The following BDH1 variants were observed in gnomAD, a reference collection of about 807,000 sequenced individuals.
The protein encoded by BDH1 is 3-hydroxybutyrate dehydrogenase 1.
In BDH1, 30 loss-of-function variants were observed where a neutral mutation model predicts 33.1. The ratio of observed to expected loss-of-function variants is 0.91; its 90% CI spans 0.68 to 1.23. The LOEUF is 1.23. Ranked by LOEUF, BDH1 falls within the 50% of genes most tolerant of loss-of-function variation. BDH1 has a pLI of 0.00. For missense variants in BDH1, 443 were observed against 464.4 expected (o/e 0.95, Z 0.42); for synonymous variants, 190 against 183.6 (o/e 1.03, Z -0.28).
intron 2 of BDH1, among the ~76,000 whole-genome samples, chr3:197,550,788 G>A (rs748896900): frequency 7.0e-4 from 107 of 152,236 alleles, no homozygotes; most frequent in Non-Finnish European, 1.4e-3. Context: ...AGCAGCAGCC[G>A]CCTCCCATCT....
rs780271933 is a variant in BDH1 at position 197,532,402 on chromosome 3, C to T, written c.267+10G>A. On this transcript the variant is annotated intron_variant, in intron 5 of 7. Coordinates refer to ENST00000392379, the MANE Select transcript of BDH1 (RefSeq NM_203314.3). ...AAAGACAATGGTGAAGAAGATAACTCGTCTCTTACCTTCATCAAGCAGCCA... is the reference window on the plus strand; with the variant it reads ...AAAGACAATGGTGAAGAAGATAACTTGTCTCTTACCTTCATCAAGCAGCCA... The T allele has an allele frequency of 5.6e-6, 9 of 1,604,828 alleles. No individual in the cohort carries two copies. Among genetic ancestry groups the T allele is most frequent in the South Asian group, 5.5e-5 (5 of 90,904 alleles).
chr3:197,514,372 C>T lies in BDH1; in HGVS notation c.454G>A (p.Glu152Lys). Residue 152 changes from glutamate (E) to lysine (K), a missense_variant, in exon 7 of 8, where the codon GAG becomes AAG. Coordinates refer to ENST00000392379, the MANE Select transcript of BDH1 (RefSeq NM_203314.3). This position sits in a 1 kb window ranked among gnomAD's most constrained non-coding sequence, Gnocchi z 4.2. ...VNNAGISTFG[E>K]VEFTSLETYK... ...GTCTCCAGGCTGGTGAACTCCACCT[C>T]CCCGAACGTTGAGATGCCGGCATTG... 2.5e-6 allele frequency: 4 copies of T among 1,613,010 alleles called. No individual in the cohort carries two copies. Among genetic ancestry groups the T allele is most frequent in the Non-Finnish European group, 3.4e-6 (4 of 1,179,494 alleles).
rs1174631775 is a variant in BDH1 at position 197,510,699 on chromosome 3, G to C, written c.*1196C>G. ...ATGTGTGTAAGGTGTGTGTGTGTGTGTGTGTGTGTGTGTGTGTGTACATGT... is the reference window on the plus strand; with the variant it reads ...ATGTGTGTAAGGTGTGTGTGTGTGTCTGTGTGTGTGTGTGTGTGTACATGT... On this transcript the variant is annotated 3_prime_UTR_variant, in exon 8 of 8. Coordinates refer to ENST00000392379, the MANE Select transcript of BDH1 (RefSeq NM_203314.3). The C allele has an allele frequency of 8.7e-6, 1 of 114,374 alleles. No individual in the cohort carries two copies. The highest frequency in any genetic ancestry group is 1.8e-5 in the Non-Finnish European group (1 of 55,928). 7.1% of individuals were successfully genotyped at this position (114,374 alleles called of 1,614,324 possible).
rs539539316 is a variant in BDH1 at position 197,514,218 on chromosome 3, C to T, written c.562+46G>A. On this transcript the variant is annotated intron_variant, in intron 7 of 7. Coordinates refer to ENST00000392379, the MANE Select transcript of BDH1 (RefSeq NM_203314.3). The surrounding 1 kb of genome is among the most constrained non-coding windows in gnomAD (Gnocchi z 4.2). ...TTTCCATTCTGAGCAAAGATGAACA[C>T]GTGGGGCAGGTTCAGGGGCAGGAGG... 23 of 1,577,826 alleles carry T rather than the reference C, an allele frequency of 1.5e-5. No homozygotes were observed. Among genetic ancestry groups the T allele is most frequent in the East Asian group, 4.6e-5 (2 of 43,880 alleles).
chr3:197,512,993 A>G (rs11923999), intron 7 of BDH1, among the ~76,000 whole-genome samples: 14,661 of 152,028 alleles, frequency 0.096, 941 homozygotes, highest in African/African-American at 0.18. Context: ...CAACTCCCCA[A>G]CTCCATTCCA....
chr3:197,547,101 A>AACAC (rs71164296), intron 2 of BDH1, among the ~76,000 whole-genome samples: 1,659 of 151,466 alleles, frequency 0.011, 11 homozygotes, highest in South Asian at 0.017. Context: ...TCTTGTAATT[A>AACAC]ACACACACAC....
chr3:197,564,291 G>A (rs1322917164), intron 1 of BDH1, among the ~76,000 whole-genome samples: 1 of 151,862 alleles, frequency 6.6e-6, no homozygotes, highest in Non-Finnish European at 1.5e-5. Flanking sequence ...TGAACAGTCT[G>A]TGTAAGTCAC....
upstream of BDH1, among the ~76,000 whole-genome samples, chr3:197,559,609 A>G (rs1207653962): frequency 6.6e-6 from 1 of 152,272 alleles, no homozygotes; most frequent in South Asian, 2.1e-4. Context: ...TGGTTAACCC[A>G]AAAGAGACAT....
In BDH1 at chr3:197,533,538, G is replaced by A. The variant is rs756349746; in HGVS notation, c.107C>T (p.Thr36Ile). The change falls in exon 4 of 8, where the codon ACT becomes ATT. Residue 36 changes from threonine to isoleucine, a missense_variant. Coordinates refer to ENST00000392379, the MANE Select transcript of BDH1 (RefSeq NM_203314.3). ...CCGACGGCCAATCGGGATAAAGGAA[G>A]TAGAACCAAGCAATAGTGGGCGTCT... ...GARRPLLLGS[T>I]SFIPIGRRTY... The A allele has an allele frequency of 1.9e-6, 3 of 1,614,152 alleles. No individual in the cohort carries two copies. Among genetic ancestry groups the A allele is most frequent in the Admixed American group, 1.7e-5 (1 of 60,016 alleles).
At chr3:197,547,005 C>T (rs936666999) in intron 2 of BDH1, among the ~76,000 whole-genome samples, 2 of 152,166 alleles carry the variant, frequency 1.3e-5, no homozygotes, top group African/African-American at 4.8e-5. Context: ...TTCCCCCATG[C>T]GAACAAACAA....
At position 197,549,879 on chromosome 3, in the gene BDH1, C is replaced by T. The variant is rs139219582; in HGVS notation, c.-43-3393G>A. ...TTGTACTTACTATGTTAAAACTATCCATATCATCTTTGTTAATTGCCTGGA... is the reference window on the plus strand; with the variant it reads ...TTGTACTTACTATGTTAAAACTATCTATATCATCTTTGTTAATTGCCTGGA... On this transcript the variant is annotated intron_variant, in intron 2 of 7. Transcript: ENST00000392379. 3.2e-3 allele frequency among the ~76,000 whole-genome samples: 481 copies of T among 152,084 alleles called. 3 individuals carry two copies. Among genetic ancestry groups the T allele is most frequent in the African/African-American group, 0.011 (457 of 41,408 alleles).
rs571596469 is a variant in BDH1 at position 197,543,171 on chromosome 3, A to C, written c.83+3190T>G. ...GCCATGAGTCCATTTGAATCTAACA[A>C]GACGGGGCTTAGGAGGAACACATAT... On this transcript the variant is annotated intron_variant, in intron 3 of 7. Transcript: ENST00000392379. 1.5e-5 allele frequency: 15 copies of C among 985,420 alleles called. 1 individual carries two copies. The East Asian group carries it at 1.0e-3, about 67-fold the overall frequency. The allele number at this position is 985,420 out of a possible 1,614,324, so 61.0% of individuals were successfully genotyped here. A position where few individuals can be genotyped will look rare whatever the true frequency, so the allele number is the denominator to read the frequency against.
At chr3:197,557,004 C>T (rs1033614993), upstream of BDH1, among the ~76,000 whole-genome samples, 1 of 152,230 alleles carries the variant, frequency 6.6e-6, no homozygotes, top group African/African-American at 2.4e-5. The surrounding 1 kb of genome is among the most constrained non-coding windows in gnomAD (Gnocchi z 4.6). Context: ...AAAATCACCC[C>T]CTGCTCACTG....
At chr3:197,547,267 T>C (rs1716164945) in intron 2 of BDH1, among the ~76,000 whole-genome samples, 1 of 152,244 alleles carries the variant, frequency 6.6e-6, no homozygotes, top group African/African-American at 2.4e-5. Flanking sequence ...GTTCTGTTAA[T>C]AGTGATTCCT....
At chr3:197,568,457 T>G (rs1717504833) in intron 1 of BDH1, among the ~76,000 whole-genome samples, 1 of 152,080 alleles carries the variant, frequency 6.6e-6, no homozygotes, top group Non-Finnish European at 1.5e-5. Flanking sequence ...GAAAAGAGCC[T>G]TTGACAGCTG....
At chr3:197,539,922 C>G (rs555569036) in intron 3 of BDH1, among the ~76,000 whole-genome samples, 21 of 152,356 alleles carry the variant, frequency 1.4e-4, no homozygotes, top group African/African-American at 3.8e-4. Flanking sequence ...GTGAATTACT[C>G]TTTGTCTACT....
At chr3:197,569,814 C>T (rs1717551094) in intron 1 of BDH1, among the ~76,000 whole-genome samples, 1 of 152,186 alleles carries the variant, frequency 6.6e-6, no homozygotes, top group South Asian at 2.1e-4. Context: ...ATGCCTTTAT[C>T]AGCAGCAAGA....
chr3:197,527,561 A>G (rs960745486), intron 5 of BDH1, among the ~76,000 whole-genome samples: 6 of 151,892 alleles, frequency 4.0e-5, no homozygotes, highest in Non-Finnish European at 8.8e-5. Flanking sequence ...TGGTGGTGAG[A>G]CGCCACCTCT....
Position 197,521,450 on chromosome 3 carries a change from T to C in BDH1, c.409+1190A>G, listed in dbSNP as rs1470329732. ...TGGTACTGCCCTCTCCTCCAAACTT[T>C]CTGTTGTTTAGCCTCTGGGGAACTG... is the stretch of plus-strand genomic sequence containing the variant. On this transcript the variant is annotated intron_variant, in intron 6 of 7. Transcript: ENST00000392379. This position sits in a 1 kb window ranked among gnomAD's most constrained non-coding sequence, Gnocchi z 4.9. Among the ~76,000 whole-genome samples the C allele has an allele frequency of 6.6e-6, 1 of 152,106 alleles. No individual in the cohort carries two copies. Among genetic ancestry groups the C allele is most frequent in the East Asian group, 1.9e-4 (1 of 5,170 alleles).
Sources: allele counts gnomAD v4.1 joint callset (sites outside exome capture counted in the v4.1 genomes callset), GRCh38; gene constraint gnomAD v4.1.1; non-coding constraint Gnocchi (gnomAD v3.1); transcripts MANE v1.5; gene names NCBI Gene and HGNC (gene_info 2026-07-23, HGNC 2026-07-21).